Variants in RIMS1 observed in about 807,000 individuals in gnomAD.
The protein encoded by RIMS1 is regulating synaptic membrane exocytosis 1.
Under a neutral mutation model 214.1 loss-of-function variants are expected in RIMS1, and 83 were observed. The observed-to-expected ratio is 0.39, with a 90% CI of 0.32 to 0.47. The LOEUF is 0.47. RIMS1 is among the 20% of genes least tolerant of loss of function. RIMS1 has a pLI of 0.99. For synonymous variants in RIMS1, 793 were observed against 786.8 expected (o/e 1.01, Z -0.13); for missense variants, 2,050 against 2,161.8 (o/e 0.95, Z 1.03).
chr6:72,308,893 A>T (rs576880483), intron 27 of RIMS1, among the ~76,000 whole-genome samples: 1 of 152,162 alleles, frequency 6.6e-6, no homozygotes, highest in Non-Finnish European at 1.5e-5. Flanking sequence ...CTTCATAGAT[A>T]TCATCATCGT....
intron 6 of RIMS1, among the ~76,000 whole-genome samples, chr6:72,191,541 C>G (rs2050076652): frequency 6.6e-6 from 1 of 152,218 alleles, no homozygotes; most frequent in Admixed American, 6.5e-5. Flanking sequence ...CAATCAAGCT[C>G]TCTCAGAACA....
chr6:72,384,675 A>G (rs141426027), intron 29 of RIMS1, among the ~76,000 whole-genome samples: 52 of 152,192 alleles, frequency 3.4e-4, no homozygotes, highest in African/African-American at 1.2e-3. Context: ...TTCCTCCCCA[A>G]GTTCTTATAT....
intron 2 of RIMS1, among the ~76,000 whole-genome samples, chr6:72,025,640 G>C (rs1389847943): frequency 3.9e-5 from 6 of 152,230 alleles, no homozygotes; most frequent in Non-Finnish European, 7.4e-5. Flanking sequence ...TTGATGGCTA[G>C]GACCTTTTTG....
At chr6:72,350,174 TC>T (rs1255253897) in intron 29 of RIMS1, among the ~76,000 whole-genome samples, 1 of 152,074 alleles carries the variant, frequency 6.6e-6, no homozygotes, top group Non-Finnish European at 1.5e-5. Context: ...ATTTTAAAAA[TC>T]TAATTTTTGT....
intron 22 of RIMS1, among the ~76,000 whole-genome samples, chr6:72,271,058 G>A (rs1202483703): frequency 6.6e-6 from 1 of 151,908 alleles, no homozygotes; most frequent in Non-Finnish European, 1.5e-5. Flanking sequence ...ACTAGGTCAG[G>A]AATTTGAGAC....
intron 30 of RIMS1, 157 bp downstream of exon 30, chr6:72,390,893 CACAT>C: frequency 2.9e-6 from 2 of 694,688 alleles, no homozygotes; most frequent in South Asian, 4.5e-5. Flanking sequence ...TAAGTAAGTA[CACAT>C]GGACACACCT....
At chr6:72,174,398 T>C (rs560654683) in intron 4 of RIMS1, among the ~76,000 whole-genome samples, 1 of 152,332 alleles carries the variant, frequency 6.6e-6, no homozygotes, top group East Asian at 1.9e-4. Context: ...GCACCCCTTT[T>C]GGGAAGCTAT....
chr6:72,219,626 C>T (rs887884971), intron 6 of RIMS1, among the ~76,000 whole-genome samples: 1 of 151,598 alleles, frequency 6.6e-6, no homozygotes, highest in African/African-American at 2.4e-5. Context: ...TATTTCAATA[C>T]TATAATATCT....
chr6:72,295,647 G>A (rs2093989909), intron 26 of RIMS1, among the ~76,000 whole-genome samples: 1 of 151,416 alleles, frequency 6.6e-6, no homozygotes, highest in African/African-American at 2.4e-5. Context: ...GCTCTTAAAA[G>A]GAAAGAAAAA....
intron 4 of RIMS1, among the ~76,000 whole-genome samples, chr6:72,144,075 G>A (rs2463702): frequency 0.62 from 93,466 of 151,950 alleles, 29,381 homozygotes; most frequent in East Asian, 0.84. Flanking sequence ...AGCAGCGAAC[G>A]CAGGCCCGTA....
At chr6:72,085,700 A>G (rs1834513512) in intron 2 of RIMS1, among the ~76,000 whole-genome samples, 1 of 152,238 alleles carries the variant, frequency 6.6e-6, no homozygotes, top group Admixed American at 6.5e-5. Flanking sequence ...TTTATCCCAA[A>G]CCTACTGAAT....
intron 4 of RIMS1, among the ~76,000 whole-genome samples, chr6:72,175,089 T>A (rs1262821906): frequency 6.6e-6 from 1 of 152,206 alleles, no homozygotes; most frequent in Non-Finnish European, 1.5e-5. Flanking sequence ...ATTACCTTGA[T>A]AATTTTGTCC....
intron 2 of RIMS1, among the ~76,000 whole-genome samples, chr6:72,013,808 A>G (rs1026845968): frequency 3.3e-5 from 5 of 152,174 alleles, no homozygotes; most frequent in African/African-American, 1.2e-4. Flanking sequence ...AAGTTGTGCA[A>G]CCTTCACCAC....
intron 2 of RIMS1, among the ~76,000 whole-genome samples, chr6:72,054,799 A>G (rs1220088288): frequency 6.6e-6 from 1 of 152,032 alleles, no homozygotes; most frequent in East Asian, 1.9e-4. Flanking sequence ...AAATTTGTTT[A>G]AGTTCCTTAT....
chr6:72,239,941 T>G (rs1383101339), intron 9 of RIMS1, among the ~76,000 whole-genome samples: 1 of 152,208 alleles, frequency 6.6e-6, no homozygotes, highest in Non-Finnish European at 1.5e-5. Context: ...ACAATTCATC[T>G]GAAGTTGCCT....
rs536656877 is a variant in RIMS1 at position 72,159,242 on chromosome 6, GTTGT to G, written c.472-20326_472-20323del. 9.2e-5 allele frequency among the ~76,000 whole-genome samples: 13 copies of G among 140,956 alleles called. 3 individuals carry two copies. Among genetic ancestry groups the G allele is most frequent in the South Asian group, 4.7e-4 (2 of 4,284 alleles). 92.5% of individuals were successfully genotyped at this position (140,956 alleles called of 152,430 possible). A position where few individuals can be genotyped will look rare whatever the true frequency, so the allele number is the denominator to read the frequency against. On this transcript the variant is annotated intron_variant, in intron 4 of 33. Transcript: ENST00000521978. ...TATCTTTCACCCACTTGTTGATGGG[GTTGT>G]TTGTTTTTTTCTTGTAAATTTGAGT...
intron 10 of RIMS1, among the ~76,000 whole-genome samples, chr6:72,244,207 C>A (rs80056600): frequency 0.066 from 10,052 of 151,434 alleles, 391 homozygotes; most frequent in Non-Finnish European, 0.092. Flanking sequence ...TTTTTGTGAA[C>A]CCACCAAATA....
intron 1 of RIMS1, among the ~76,000 whole-genome samples, chr6:71,928,449 A>C (rs527245246): frequency 6.6e-6 from 1 of 152,142 alleles, no homozygotes; most frequent in Admixed American, 6.6e-5. Context: ...AAACTGATTA[A>C]ATTTGAATTT....
In RIMS1 at chr6:72,172,215, A is replaced by G. The variant is rs944511781; in HGVS notation, c.472-7360A>G. On this transcript the variant is annotated intron_variant, in intron 4 of 33. Transcript: ENST00000521978. ...TTAACGGTACAACTTAAATGAATAA[A>G]AAAATGATAAAATCATCAATAAATG... 6.6e-5 allele frequency among the ~76,000 whole-genome samples: 10 copies of G among 152,126 alleles called. No individual in the cohort carries two copies. The East Asian group carries it at 1.9e-3, about 29-fold the overall frequency.
Sources: gnomAD v4.1 joint callset for allele counts (sites outside exome capture counted in the v4.1 genomes callset) on GRCh38, gnomAD v4.1.1 for gene constraint, MANE v1.5 for transcripts, NCBI Gene and HGNC (gene_info 2026-07-23, HGNC 2026-07-21) for gene names.